The following CDKL5 variants were observed in gnomAD, a reference collection of about 807,000 sequenced individuals.
The protein encoded by CDKL5 is cyclin dependent kinase like 5, also known as cyclin-dependent kinase-like 5.
CDKL5 carries 8 observed loss-of-function variants against 61.7 expected under a neutral mutation model. That is an observed-to-expected ratio of 0.13 (90% confidence interval 0.08 to 0.23). CDKL5 has a LOEUF of 0.23. Among genes scored for constraint, CDKL5 ranks in the 10% least tolerant of loss-of-function variants. The pLI, the probability that CDKL5 is intolerant of heterozygous loss-of-function variation, is 1.00. For missense variants in CDKL5, 440 were observed against 734.5 expected (o/e 0.60, Z 4.63); for synonymous variants, 275 against 272.3 (o/e 1.01, Z -0.10).
chrX:18,489,926 C>A (rs367719821), intron 1 of CDKL5, among the ~76,000 whole-genome samples: 2 of 111,102 alleles, frequency 1.8e-5, no homozygotes, highest in African/African-American at 3.3e-5. Flanking sequence ...TAAAACCAAG[C>A]TGTAGCCTGA....
In CDKL5 at chrX:18,509,195, A is replaced by ACGCACGCGCGCGCGCGCGCG. The variant is rs1348103497; in HGVS notation, c.65-1620_65-1619insGCGCGCGCGCGCGCGCGCAC. ...TGAGAGAGCGAGACTGTCTCAAAAC[A>ACGCACGCGCGCGCGCGCGCG]CGCACACACACACACACACACACAC... On this transcript the variant is annotated intron_variant, in intron 2 of 17. Coordinates refer to ENST00000623535, the MANE Select transcript of CDKL5 (RefSeq NM_001323289.2). 7.7e-5 allele frequency among the ~76,000 whole-genome samples: 5 copies of ACGCACGCGCGCGCGCGCGCG among 64,688 alleles called. No homozygotes were observed. The East Asian group carries it at 1.6e-3, about 21-fold the overall frequency. The allele number at this position is 64,688 out of a possible 115,157, so 56.2% of individuals were successfully genotyped here. A position where few individuals can be genotyped will look rare whatever the true frequency, so the allele number is the denominator to read the frequency against.
At chrX:18,476,677 C>A (rs1195451877) in intron 1 of CDKL5, among the ~76,000 whole-genome samples, 1 of 112,629 alleles carries the variant, frequency 8.9e-6, no homozygotes, top group African/African-American at 3.2e-5. Context: ...TATAGCCATT[C>A]CAGCTCTCTT....
At chrX:18,447,441 A>C (rs975773819) in intron 1 of CDKL5, among the ~76,000 whole-genome samples, 1 of 111,157 alleles carries the variant, frequency 9.0e-6, no homozygotes, top group Non-Finnish European at 1.9e-5. Context: ...TCTCTCATTC[A>C]CTCTTCAAAT....
rs200665846 is a variant in CDKL5 at position 18,568,075 on chromosome X, A to ATT, written c.145+3556_145+3557dup. On this transcript the variant is annotated intron_variant, in intron 4 of 17. Coordinates refer to ENST00000623535, the MANE Select transcript of CDKL5 (RefSeq NM_001323289.2). ...TGTAGTGAAAGTGAAAACCAGAATG[A>ATT]TTTTATGGGTATTCAAAGTATGGTT... is the stretch of plus-strand genomic sequence containing the variant. Among the ~76,000 whole-genome samples, 606 of 112,202 alleles carry ATT rather than the reference A, an allele frequency of 5.4e-3. 6 individuals carry two copies. The highest frequency in any genetic ancestry group is 0.019 in the African/African-American group (573 of 30,937).
At chrX:18,517,269 G>C (rs934877835) in intron 3 of CDKL5, among the ~76,000 whole-genome samples, 2 of 111,174 alleles carry the variant, frequency 1.8e-5, no homozygotes, top group African/African-American at 6.5e-5. Context: ...CTCACTTCTA[G>C]AGGATGAATT....
rs1427499040 is a variant in CDKL5 at position 18,599,087 on chromosome X, C to T, written c.977+474C>T. On this transcript the variant is annotated intron_variant, in intron 11 of 17. Coordinates refer to ENST00000623535, the MANE Select transcript of CDKL5 (RefSeq NM_001323289.2). ...GGTCTTGTGTTTTTGTTGCTCTTGT[C>T]TTCTAATCATTGAGTTGAGAAATTA... 2.7e-5 allele frequency among the ~76,000 whole-genome samples: 3 copies of T among 112,429 alleles called. No homozygotes were observed. The Admixed American group carries it at 2.8e-4, about 11-fold the overall frequency.
intron 1 of CDKL5, among the ~76,000 whole-genome samples, chrX:18,473,755 A>G (rs1921194804): frequency 9.8e-6 from 1 of 101,603 alleles, no homozygotes; most frequent in South Asian, 4.6e-4. Flanking sequence ...TCCATCACCC[A>G]GGCTAGAGTG....
At chrX:18,435,922 C>T (rs1312439011) in intron 1 of CDKL5, among the ~76,000 whole-genome samples, 2 of 110,788 alleles carry the variant, frequency 1.8e-5, no homozygotes, top group South Asian at 7.6e-4. Flanking sequence ...TGTACTTGAC[C>T]CTTGAACAAG....
chrX:18,452,680 C>T (rs1932047180), intron 1 of CDKL5, among the ~76,000 whole-genome samples: 1 of 109,865 alleles, frequency 9.1e-6, no homozygotes, highest in Non-Finnish European at 1.9e-5. Flanking sequence ...GTGTATGGTT[C>T]TCTAGTTTGT....
intron 3 of CDKL5, among the ~76,000 whole-genome samples, chrX:18,553,199 T>C (rs781017205): frequency 3.2e-4 from 35 of 111,049 alleles, no homozygotes; most frequent in Non-Finnish European, 5.9e-4. Flanking sequence ...TGATCCCAAA[T>C]TTCTGGCTAG....
downstream of CDKL5, among the ~76,000 whole-genome samples, chrX:18,643,990 G>C (rs1927676042): frequency 9.0e-6 from 1 of 110,909 alleles, no homozygotes; most frequent in African/African-American, 3.3e-5. Flanking sequence ...TTGGCTAATG[G>C]GTAACTTGCT....
chrX:18,549,489 C>T (rs1181163657), intron 3 of CDKL5, among the ~76,000 whole-genome samples: 1 of 112,165 alleles, frequency 8.9e-6, no homozygotes, highest in South Asian at 3.7e-4. Context: ...CTTTATTTAG[C>T]AGGGATAATA....
At chrX:18,516,520 T>A (rs887893264) in intron 3 of CDKL5, among the ~76,000 whole-genome samples, 1 of 110,258 alleles carries the variant, frequency 9.1e-6, no homozygotes, top group Non-Finnish European at 1.9e-5. Context: ...GCTAGACTGT[T>A]GATACCGGAA....
intron 3 of CDKL5, among the ~76,000 whole-genome samples, chrX:18,526,861 G>A (rs1020350081): frequency 2.8e-5 from 3 of 109,022 alleles, no homozygotes; most frequent in African/African-American, 6.7e-5. Flanking sequence ...TCAGCTCACC[G>A]CAACCTCCGC....
At chrX:18,500,197 G>T (rs956337301) in intron 1 of CDKL5, among the ~76,000 whole-genome samples, 4 of 111,129 alleles carry the variant, frequency 3.6e-5, no homozygotes, top group Non-Finnish European at 7.5e-5. Context: ...ATATATTTAT[G>T]GGATACATGT....
At position 18,632,976 on chromosome X, in the gene CDKL5, A is replaced by G; in HGVS notation, c.*4219A>G. On this transcript the variant is annotated 3_prime_UTR_variant, in exon 18 of 18. Coordinates refer to ENST00000623535, the MANE Select transcript of CDKL5 (RefSeq NM_001323289.2). The stretch of plus-strand genomic sequence containing the variant: ...AGAGGATTACTTTGCAAGTGTGTAG[A>G]AAGATCTGTCTATTTCTGTTCACCT... 1 of 754,516 alleles carries G rather than the reference A, an allele frequency of 1.3e-6. No individual in the cohort carries two copies. Among genetic ancestry groups the G allele is most frequent in the Non-Finnish European group, 1.6e-6 (1 of 639,339 alleles). 62.2% of individuals were successfully genotyped at this position (754,516 alleles called of 1,213,427 possible).
At position 18,630,968 on chromosome X, in the gene CDKL5, C is replaced by T; in HGVS notation, c.*2211C>T. The T allele has an allele frequency of 1.3e-6, 1 of 747,428 alleles. No individual in the cohort carries two copies. Among genetic ancestry groups the T allele is most frequent in the Non-Finnish European group, 1.6e-6 (1 of 637,080 alleles). 61.6% of individuals were successfully genotyped at this position (747,428 alleles called of 1,213,427 possible). The stretch of plus-strand genomic sequence containing the variant: ...ATACTAGATCTCTACCTTGTATTCC[C>T]CCCTTGCAAACCAGAAACTACACTT... On this transcript the variant is annotated 3_prime_UTR_variant, in exon 18 of 18. Coordinates refer to ENST00000623535, the MANE Select transcript of CDKL5 (RefSeq NM_001323289.2).
chrX:18,643,480 T>C (rs939080592), downstream of CDKL5, among the ~76,000 whole-genome samples: 5 of 112,042 alleles, frequency 4.5e-5, no homozygotes, highest in African/African-American at 1.6e-4. Context: ...AGTGCAGGGG[T>C]GAAGTGCCTC....
intron 3 of CDKL5, among the ~76,000 whole-genome samples, chrX:18,548,411 T>C (rs1200823008): frequency 8.9e-6 from 1 of 111,793 alleles, no homozygotes; most frequent in African/African-American, 3.3e-5. Context: ...TTTCTAGTTT[T>C]CTCCACAATG....
Sources: gnomAD v4.1 joint callset for allele counts (sites outside exome capture counted in the v4.1 genomes callset) on GRCh38, gnomAD v4.1.1 for gene constraint, MANE v1.5 for transcripts, NCBI Gene and HGNC (gene_info 2026-07-23, HGNC 2026-07-21) for gene names.